Variants in ERICH1 observed in about 807,000 individuals in gnomAD.
ERICH1 encodes glutamate rich 1, also known as glutamate-rich protein 1.
ERICH1 carries 56 observed loss-of-function variants against 39.6 expected under a neutral mutation model. The ratio of observed to expected loss-of-function variants is 1.41; its 90% CI spans 1.14 to 1.77. The LOEUF (loss-of-function observed/expected upper bound fraction) is 1.77, where lower values mean the gene tolerates loss of function less well. Ranked by LOEUF, ERICH1 falls within the 40% of genes most tolerant of loss-of-function variation. The probability of loss-of-function intolerance (pLI) is 0.00; values close to 1 mark genes in which losing one functional copy is unlikely to be tolerated. For synonymous variants in ERICH1, 313 were observed against 223.6 expected, an observed-to-expected ratio of 1.40 and a Z score of -3.57; for missense variants, 826 against 575.4, an observed-to-expected ratio of 1.44 and a Z score of -4.45.
intron 3 of ERICH1, chr8:626,881 C>T (rs1432840908): frequency 4.1e-5 from 12 of 292,852 alleles, no homozygotes; most frequent in African/African-American, 1.3e-4. Context: ...GAAATGCTGG[C>T]GGTTGGAACC....
chr8:717,509 T>C (rs1001599508), intron 1 of ERICH1, among the ~76,000 whole-genome samples: 2 of 152,206 alleles, frequency 1.3e-5, no homozygotes, highest in East Asian at 3.9e-4. Context: ...AAAAATCCAA[T>C]GGTCACATTT....
intron 3 of ERICH1, among the ~76,000 whole-genome samples, chr8:678,880 C>T (rs1026971489): frequency 6.6e-6 from 1 of 152,256 alleles, no homozygotes; most frequent in South Asian, 2.1e-4. Flanking sequence ...TGACCCCTGA[C>T]GACTCCAACG....
chr8:615,864 C>T (rs937812803), intron 3 of ERICH1: 3 of 152,280 alleles, frequency 2.0e-5, no homozygotes, highest in African/African-American at 7.2e-5. Flanking sequence ...CTGTTTTCCG[C>T]CAATATTCAG....
intron 4 of ERICH1, among the ~76,000 whole-genome samples, chr8:669,660 C>T (rs940380896): frequency 6.6e-6 from 1 of 152,240 alleles, no homozygotes; most frequent in African/African-American, 2.4e-5. Context: ...CGACTCAGGG[C>T]TACGAACAGC....
chr8:667,907 CA>C (rs1291105097), intron 5 of ERICH1: 1 of 153,328 alleles, frequency 6.5e-6, no homozygotes, highest in Non-Finnish European at 1.5e-5. Context: ...GCCACGGACC[CA>C]CCTTCACTCC....
intron 3 of ERICH1, among the ~76,000 whole-genome samples, chr8:649,742 T>G (rs955363559): frequency 3.9e-5 from 6 of 152,124 alleles, no homozygotes; most frequent in African/African-American, 1.4e-4. Context: ...GGCTGAGCAG[T>G]GTGACCATGA....
intron 2 of ERICH1, among the ~76,000 whole-genome samples, chr8:695,113 GGCTCCTTTCTCCCCGTCAGGTTCCCCTCA>G (rs1273809747): frequency 2.0e-5 from 3 of 151,954 alleles, no homozygotes; most frequent in African/African-American, 7.3e-5. Context: ...TCATTGACCT[GGCTCCTTTCTCCCCGTCAGGTTCCCCTCA>G]GCTCCTCTGG....
intron 3 of ERICH1, among the ~76,000 whole-genome samples, chr8:680,518 A>T (rs1374322192): frequency 7.1e-6 from 1 of 140,296 alleles, no homozygotes; most frequent in African/African-American, 2.7e-5. Flanking sequence ...CACAGCTGCC[A>T]CCTCCCCCGG....
chr8:731,093 G>C (rs1030204692), intron 1 of ERICH1, 47 bp downstream of exon 1: 85 of 1,424,396 alleles, frequency 6.0e-5, no homozygotes, highest in Non-Finnish European at 7.4e-5. Flanking sequence ...TCTGAGCCGA[G>C]AGCCGGGTCT....
intron 1 of ERICH1, among the ~76,000 whole-genome samples, chr8:718,364 T>C (rs758378181): frequency 6.6e-6 from 1 of 152,074 alleles, no homozygotes; most frequent in Non-Finnish European, 1.5e-5. Flanking sequence ...ATAATAAGAA[T>C]GTGCCTTAAA....
At chr8:620,701 A>G (rs574447728) in intron 3 of ERICH1, among the ~76,000 whole-genome samples, 1 of 152,378 alleles carries the variant, frequency 6.6e-6, no homozygotes, top group African/African-American at 2.4e-5. Flanking sequence ...ATGTTACTAA[A>G]GACAAACACT....
chr8:672,050 G>C (rs1447102700), intron 4 of ERICH1: 1 of 153,128 alleles, frequency 6.5e-6, no homozygotes, highest in Admixed American at 6.5e-5. Context: ...AAGACAAGTG[G>C]CTGCAGATGT....
At chr8:633,084 A>G (rs908498833) in intron 3 of ERICH1, among the ~76,000 whole-genome samples, 3 of 152,170 alleles carry the variant, frequency 2.0e-5, no homozygotes, top group African/African-American at 7.2e-5. Context: ...GCCGCCCAGG[A>G]CAGACGGAAA....
At chr8:688,300 G>GCCGCC (rs1281208226) in intron 3 of ERICH1, among the ~76,000 whole-genome samples, 2 of 21,210 alleles carry the variant, frequency 9.4e-5, no homozygotes, top group Non-Finnish European at 9.0e-5. Context: ...CGGCCCTTCC[G>GCCGCC]CCGCCCCGCC....
chr8:648,622 G>A lies in ERICH1; in HGVS notation c.976+19976C>T, dbSNP rs1316530826. 7.4e-5 allele frequency among the ~76,000 whole-genome samples: 5 copies of A among 67,770 alleles called. 2 individuals carry two copies. Among genetic ancestry groups the A allele is most frequent in the South Asian group, 1.1e-3 (2 of 1,780 alleles). 44.5% of individuals were successfully genotyped at this position (67,770 alleles called of 152,430 possible). A position where few individuals can be genotyped will look rare whatever the true frequency, so the allele number is the denominator to read the frequency against. On this transcript the variant is annotated intron_variant, in intron 3 of 3. Coordinates refer to the ERICH1 transcript ENST00000522706. ...TACTCTTCACTCCAGCGTGCACTAT[G>A]TGTGAACACGGGGCTGTCCTGTGGG...
At chr8:712,623 G>T (rs555877402) in intron 2 of ERICH1, among the ~76,000 whole-genome samples, 24 of 152,206 alleles carry the variant, frequency 1.6e-4, no homozygotes, top group African/African-American at 5.1e-4. Flanking sequence ...TAGAGACGGG[G>T]TTTCTACTGT....
In ERICH1 at chr8:731,197, C is replaced by A. The variant is rs780224169; in HGVS notation, c.-36G>T. On this transcript the variant is annotated 5_prime_UTR_variant, in exon 1 of 6. Coordinates refer to ENST00000262109, the MANE Select transcript of ERICH1 (RefSeq NM_207332.3). ...GCCGCGGACCTCAGACCACGGCGCG[C>A]GGTCCTGAGCTGAGCGCCGTGCCTT... The A allele has an allele frequency of 2.7e-6, 4 of 1,468,004 alleles. No individual in the cohort carries two copies. Among genetic ancestry groups the A allele is most frequent in the Non-Finnish European group, 2.7e-6 (3 of 1,112,098 alleles). The allele number at this position is 1,468,004 out of a possible 1,614,324, so 90.9% of individuals were successfully genotyped here.
At chr8:697,102 C>A (rs186778288) in intron 2 of ERICH1, among the ~76,000 whole-genome samples, 11 of 152,342 alleles carry the variant, frequency 7.2e-5, no homozygotes, top group Non-Finnish European at 2.9e-5. Context: ...GCTAGCAGGG[C>A]TCTCTGTATA....
chr8:641,697 C>G (rs892045958), intron 3 of ERICH1, among the ~76,000 whole-genome samples: 27 of 152,200 alleles, frequency 1.8e-4, no homozygotes, highest in Non-Finnish European at 3.8e-4. Context: ...ACGCTGGCAG[C>G]GGAGCTCCTC....
Sources: allele counts gnomAD v4.1 joint callset (sites outside exome capture counted in the v4.1 genomes callset), GRCh38; gene constraint gnomAD v4.1.1; transcripts MANE v1.5; gene names NCBI Gene and HGNC (gene_info 2026-07-23, HGNC 2026-07-21).